The following GTF2H5 variants were observed in gnomAD, a reference collection of about 807,000 sequenced individuals.
GTF2H5 encodes the protein general transcription factor IIH subunit 5.
A neutral mutation model predicts 7.1 loss-of-function variants in GTF2H5; 5 were observed. The ratio of observed to expected loss-of-function variants is 0.71; its 90% CI spans 0.37 to 1.49. The LOEUF is 1.49. Among genes scored for constraint, GTF2H5 ranks in the 40% most tolerant of loss-of-function variants. The probability of loss-of-function intolerance (pLI) is 0.03; values close to 1 mark genes in which losing one functional copy is unlikely to be tolerated. For missense variants in GTF2H5, 80 were observed against 83.0 expected, an observed-to-expected ratio of 0.96 and a Z score of 0.14; for synonymous variants, 30 against 31.7, an observed-to-expected ratio of 0.95 and a Z score of 0.18.
chr6:158,187,467 C>A (rs1776949465), intron 2 of GTF2H5, among the ~76,000 whole-genome samples: 1 of 152,094 alleles, frequency 6.6e-6, no homozygotes. Flanking sequence ...CAATTTCTTT[C>A]AGGGCCTGCC....
intron 2 of GTF2H5, among the ~76,000 whole-genome samples, chr6:158,179,202 T>A (rs1366286104): frequency 1.7e-4 from 26 of 152,346 alleles, no homozygotes; most frequent in Admixed American, 1.2e-3. Context: ...TCCATTGGTC[T>A]ATATATCTGT....
chr6:158,169,772 A>ATATTATATATT (rs1187068824), intron 1 of GTF2H5, among the ~76,000 whole-genome samples: 1 of 53,954 alleles, frequency 1.9e-5, no homozygotes, highest in Non-Finnish European at 3.1e-5. Flanking sequence ...TATTATATAT[A>ATATTATATATT]ATATATTGTA....
chr6:158,189,207 C>T (rs1776980551), intron 2 of GTF2H5, among the ~76,000 whole-genome samples: 1 of 152,000 alleles, frequency 6.6e-6, no homozygotes, highest in African/African-American at 2.4e-5. Flanking sequence ...GGATCAGTAC[C>T]TTGCTTATTA....
Position 158,193,732 on chromosome 6 carries a change from C to G in GTF2H5, c.*1575C>G, listed in dbSNP as rs531584156. ...TTTCCAGGCTGGGCACGGTGGCTCA[C>G]GCCTGTAATCCCAGCACTTTGGGAG... On this transcript the variant is annotated 3_prime_UTR_variant, in exon 3 of 3. Transcript: ENST00000607778. 2 of 152,128 alleles carry G rather than the reference C, an allele frequency of 1.3e-5. No individual in the cohort carries two copies. Among genetic ancestry groups the G allele is most frequent in the Non-Finnish European group, 2.9e-5 (2 of 68,040 alleles). 9.4% of individuals were successfully genotyped at this position (152,128 alleles called of 1,614,324 possible).
intron 2 of GTF2H5, among the ~76,000 whole-genome samples, chr6:158,171,731 T>C (rs747232155): frequency 1.3e-4 from 20 of 152,196 alleles, no homozygotes; most frequent in Admixed American, 5.2e-4. Flanking sequence ...AGCAATCTCA[T>C]AGAGAACTGG....
intron 2 of GTF2H5, among the ~76,000 whole-genome samples, chr6:158,172,225 G>A (rs1389469290): frequency 6.6e-6 from 1 of 151,736 alleles, no homozygotes; most frequent in African/African-American, 2.4e-5. Flanking sequence ...CTCTTGTGGG[G>A]ATTTTGTGTT....
intron 2 of GTF2H5, among the ~76,000 whole-genome samples, chr6:158,174,110 C>G (rs950834605): frequency 6.6e-6 from 1 of 152,066 alleles, no homozygotes; most frequent in East Asian, 1.9e-4. Context: ...CCTCGCTTAT[C>G]GGTGGGGTCT....
intron 1 of GTF2H5, among the ~76,000 whole-genome samples, chr6:158,169,425 A>ATATGTATATTGTATATTATATATAATAT (rs1231681450): frequency 1.2e-4 from 9 of 72,846 alleles, no homozygotes; most frequent in Admixed American, 5.7e-4. Context: ...ATTATATATA[A>ATATGTATATTGTATATTATATATAATAT]TATATTGTAT....
Position 158,169,733 on chromosome 6 carries a change from GTATATTA to G in GTF2H5, c.-34-725_-34-719del, listed in dbSNP as rs1562469360. On this transcript the variant is annotated intron_variant, in intron 1 of 2. Transcript: ENST00000607778. ...TATATTATATATTATATAATATATTGTATATTATATATTATATAATATATTGTATATT... is the reference window on the plus strand; with the variant it reads ...TATATTATATATTATATAATATATTGTATATTATATAATATATTGTATATT... Among the ~76,000 whole-genome samples, 19 of 72,246 alleles carry G rather than the reference GTATATTA, an allele frequency of 2.6e-4. 2 individuals are homozygous for G. The highest frequency in any genetic ancestry group is 7.1e-4 in the South Asian group (2 of 2,812). The allele number at this position is 72,246 out of a possible 152,430, so 47.4% of individuals were successfully genotyped here. A position where few individuals can be genotyped will look rare whatever the true frequency, so the allele number is the denominator to read the frequency against.
At chr6:158,182,196 A>G (rs1396203306) in intron 2 of GTF2H5, among the ~76,000 whole-genome samples, 1 of 152,198 alleles carries the variant, frequency 6.6e-6, no homozygotes, top group Non-Finnish European at 1.5e-5. Flanking sequence ...AATATTGAAT[A>G]TTGGCCCCCA....
chr6:158,173,376 G>A (rs540737437), intron 2 of GTF2H5, among the ~76,000 whole-genome samples: 10 of 152,264 alleles, frequency 6.6e-5, no homozygotes, highest in Middle Eastern at 3.4e-3. Context: ...GATTCCCAAA[G>A]GAAAGGGTAT....
intron 2 of GTF2H5, among the ~76,000 whole-genome samples, 166 bp downstream of exon 2, chr6:158,170,704 C>T (rs191225657): frequency 6.6e-5 from 10 of 152,330 alleles, no homozygotes; most frequent in African/African-American, 4.8e-5. Context: ...TGCCAGATTT[C>T]AGTCCCTCTG....
intron 2 of GTF2H5, among the ~76,000 whole-genome samples, chr6:158,190,089 G>A (rs958360035): frequency 7.3e-5 from 11 of 150,492 alleles, no homozygotes; most frequent in African/African-American, 2.7e-4. Flanking sequence ...TTTTAGTAGA[G>A]TCAGGGTCTC....
chr6:158,178,140 C>T (rs749065458), intron 2 of GTF2H5, among the ~76,000 whole-genome samples: 4 of 152,102 alleles, frequency 2.6e-5, no homozygotes, highest in Non-Finnish European at 2.9e-5. Context: ...CTTAAGGAAT[C>T]GCCACGCTGT....
intron 1 of GTF2H5, among the ~76,000 whole-genome samples, chr6:158,169,411 ATATAT>A (rs1282345751): frequency 2.3e-5 from 2 of 88,862 alleles, no homozygotes; most frequent in Non-Finnish European, 3.8e-5. Context: ...ATTGTATATT[ATATAT>A]TATATATAAT....
chr6:158,169,425 A>G (rs979851512), intron 1 of GTF2H5, among the ~76,000 whole-genome samples: 976 of 72,644 alleles, frequency 0.013, 51 homozygotes, highest in Admixed American at 0.041. Flanking sequence ...ATTATATATA[A>G]TATATTGTAT....
chr6:158,181,997 T>A (rs1419769207), intron 2 of GTF2H5, among the ~76,000 whole-genome samples: 1 of 152,240 alleles, frequency 6.6e-6, no homozygotes, highest in East Asian at 1.9e-4. Context: ...TGGCATGTTT[T>A]TGCAGTGGCT....
At position 158,192,080 on chromosome 6, in the gene GTF2H5, G is replaced by A. The variant is rs139277280; in HGVS notation, c.139G>A (p.Ala47Thr). 5.4e-5 allele frequency: 87 copies of A among 1,613,762 alleles called. 1 individual carries two copies. Among genetic ancestry groups the A allele is most frequent in the Middle Eastern group, 1.7e-4 (1 of 6,032 alleles). Residue 47 changes from alanine (A) to threonine (T), a missense_variant, in exon 3 of 3, where the codon GCA (alanine) becomes ACA (threonine). Transcript: ENST00000607778. The part of the protein sequence containing the change: ...DIDDTHVFVI[A>T]ELVNVLQERV... ...TGATGACACTCACGTCTTTGTAATA[G>A]CAGAATTGGTTAATGTCCTCCAGGA...
chr6:158,179,181 C>T (rs1249425560), intron 2 of GTF2H5, among the ~76,000 whole-genome samples: 2 of 152,222 alleles, frequency 1.3e-5, no homozygotes, highest in Non-Finnish European at 2.9e-5. Flanking sequence ...TTTCTGAGGC[C>T]TCCGTTTTGT....
Sources: gnomAD v4.1 joint callset for allele counts (sites outside exome capture counted in the v4.1 genomes callset) on GRCh38, gnomAD v4.1.1 for gene constraint, MANE v1.5 for transcripts, NCBI Gene and HGNC (gene_info 2026-07-23, HGNC 2026-07-21) for gene names.